RELT: variants seen among roughly 807,000 people sequenced by gnomAD.
RELT encodes RELT TNF receptor.
RELT carries 37 observed loss-of-function variants against 51.1 expected under a neutral mutation model. The ratio of observed to expected loss-of-function variants is 0.72; its 90% CI spans 0.56 to 0.95. RELT has a LOEUF of 0.95. Among genes scored for constraint, RELT ranks in the 40% least tolerant of loss-of-function variants. RELT has a pLI of 0.00. For missense variants in RELT, 535 were observed against 572.6 expected (o/e 0.93, Z 0.67); for synonymous variants, 241 against 235.7 (o/e 1.02, Z -0.21).
intron 9 of RELT, 71 bp from the exon 10 acceptor site, chr11:73,395,016 C>T (rs547301136): frequency 1.5e-4 from 197 of 1,351,230 alleles, no homozygotes; most frequent in East Asian, 1.4e-3. Context: ...TGTGTGACCC[C>T]GGGCACGTGC....
At chr11:73,392,119 T>A in intron 5 of RELT, 92 bp from the exon 6 acceptor site, 1 of 1,452,314 alleles carries the variant, frequency 6.9e-7, no homozygotes, top group Non-Finnish European at 9.3e-7. Context: ...TTGGCTCTCC[T>A]GCAGCCCCCA....
At chr11:73,385,225 G>C (rs987796243) in intron 1 of RELT, among the ~76,000 whole-genome samples, 2 of 152,120 alleles carry the variant, frequency 1.3e-5, no homozygotes, top group Admixed American at 6.5e-5. Flanking sequence ...CCTAGGGGAG[G>C]GGGAGTGGCG....
chr11:73,383,360 T>C (rs1866077516), intron 1 of RELT, among the ~76,000 whole-genome samples: 1 of 152,234 alleles, frequency 6.6e-6, no homozygotes, highest in African/African-American at 2.4e-5. Flanking sequence ...TTCCTGCCTC[T>C]TTCAGTTCAC....
chr11:73,391,325 G>C, intron 5 of RELT, 102 bp downstream of exon 5: 1 of 1,070,260 alleles, frequency 9.3e-7, no homozygotes, highest in Non-Finnish European at 1.4e-6. Context: ...GGGGGCAGTG[G>C]GGTCCTTCTT....
intron 2 of RELT, among the ~76,000 whole-genome samples, chr11:73,389,455 G>A (rs11235730): frequency 0.042 from 6,437 of 152,312 alleles, 175 homozygotes; most frequent in Non-Finnish European, 0.065. Context: ...GCATGAGAAC[G>A]GAGCCCAGCC....
At chr11:73,380,201 C>G (rs932991698) in intron 1 of RELT, among the ~76,000 whole-genome samples, 6 of 152,210 alleles carry the variant, frequency 3.9e-5, no homozygotes, top group East Asian at 1.9e-4. Context: ...TCTGTGCTGA[C>G]GAGACCTCTT....
chr11:73,377,084 G>T (rs1048479619), intron 1 of RELT, among the ~76,000 whole-genome samples: 2 of 152,214 alleles, frequency 1.3e-5, no homozygotes. Context: ...GCGTGTGTGC[G>T]TGTGTTGTGT....
intron 5 of RELT, chr11:73,391,954 G>A: frequency 1.7e-6 from 1 of 581,164 alleles, no homozygotes; most frequent in East Asian, 2.9e-5. Flanking sequence ...TTCACCCCCT[G>A]ACCCCAGCGT....
intron 2 of RELT, 69 bp from the exon 3 acceptor site, chr11:73,390,482 G>A (rs1866192910): frequency 1.4e-6 from 2 of 1,421,162 alleles, no homozygotes; most frequent in Admixed American, 1.7e-5. Flanking sequence ...AAATAGGTGG[G>A]GGATAGATGA....
chr11:73,380,741 T>G (rs1565218051), intron 1 of RELT, among the ~76,000 whole-genome samples: 1 of 152,222 alleles, frequency 6.6e-6, no homozygotes, highest in African/African-American at 2.4e-5. Flanking sequence ...GGCCAGCCCT[T>G]CTGCCAGGTC....
Position 73,388,978 on chromosome 11 carries a change from C to A in RELT, c.-25-134C>A, listed in dbSNP as rs1866167640. ...GTGCTTGCGGGTGTGGAGCCGGCCT[C>A]CCCGGGCTCTGCCTGCCCAGCAGCA... On this transcript the variant is annotated intron_variant, in intron 1 of 10. Coordinates refer to ENST00000064780, the MANE Select transcript of RELT (RefSeq NM_152222.2). This position sits in a 1 kb window ranked among gnomAD's most constrained non-coding sequence, Gnocchi z 4.1. The A allele has an allele frequency of 1.6e-6, 1 of 633,248 alleles. No homozygotes were observed. Among genetic ancestry groups the A allele is most frequent in the Non-Finnish European group, 2.8e-6 (1 of 353,378 alleles). 39.2% of individuals were successfully genotyped at this position (633,248 alleles called of 1,614,324 possible). A position where few individuals can be genotyped will look rare whatever the true frequency, so the allele number is the denominator to read the frequency against.
chr11:73,378,076 G>T (rs138525687), intron 1 of RELT, among the ~76,000 whole-genome samples: 2 of 152,236 alleles, frequency 1.3e-5, no homozygotes, highest in Non-Finnish European at 1.5e-5. Context: ...TGGGTTGGGG[G>T]AGAGTGGGGA....
chr11:73,390,442 G>T (rs1272334423), intron 2 of RELT, 109 bp from the exon 3 acceptor site: 1 of 981,224 alleles, frequency 1.0e-6, no homozygotes, highest in African/African-American at 1.6e-5. Flanking sequence ...GGGTGGGGTA[G>T]TCAGTGGTCC....
chr11:73,377,697 C>T (rs1053897167), intron 1 of RELT, among the ~76,000 whole-genome samples: 5 of 145,780 alleles, frequency 3.4e-5, no homozygotes, highest in East Asian at 2.3e-4. Context: ...CCGCCCCCCT[C>T]CCCCGCGCAG....
chr11:73,381,109 TGTCAC>T (rs1439062491), intron 1 of RELT, among the ~76,000 whole-genome samples: 1 of 152,156 alleles, frequency 6.6e-6, no homozygotes, highest in Non-Finnish European at 1.5e-5. Flanking sequence ...CAGGCCCCAG[TGTCAC>T]TGGGATCCAA....
intron 1 of RELT, among the ~76,000 whole-genome samples, chr11:73,382,304 C>G (rs1019513274): frequency 1.3e-5 from 2 of 152,192 alleles, no homozygotes; most frequent in Non-Finnish European, 2.9e-5. Flanking sequence ...CCCCCAAGTC[C>G]CTCCCAAAGC....
In RELT at chr11:73,392,212, G is replaced by T; in HGVS notation, c.369G>T (p.Glu123Asp). The T allele has an allele frequency of 7.4e-6, 12 of 1,611,020 alleles. No individual in the cohort carries two copies. The highest frequency in any genetic ancestry group is 9.3e-6 in the Non-Finnish European group (11 of 1,178,612). ...WAPLGTHGCD[E>D]WGRRARRGVE... is the part of the protein sequence containing the mutation. ...GCCTCCATCGTCTGTGATGCTCAGA[G>T]TGGGGGCGGCGGGCCCGACGTGGCG... Residue 123 changes from glutamate to aspartate, a missense_variant and splice_region_variant, in exon 6 of 11, where the codon GAG becomes GAT. By Grantham distance (45) the Glu-to-Asp change is conservative. Transcript: ENST00000064780.
intron 1 of RELT, among the ~76,000 whole-genome samples, chr11:73,383,067 A>G (rs1446257792): frequency 6.6e-6 from 1 of 152,182 alleles, no homozygotes; most frequent in African/African-American, 2.4e-5. Flanking sequence ...ACCATGCCCA[A>G]CTTCTGGGGG....
intron 4 of RELT, 55 bp from the exon 5 acceptor site, chr11:73,391,088 TA>T: frequency 6.3e-7 from 1 of 1,579,686 alleles, no homozygotes; most frequent in Non-Finnish European, 8.7e-7. Flanking sequence ...CAGCCTCTCC[TA>T]AGGATAGTGT....
Sources: gnomAD v4.1 joint callset for allele counts (sites outside exome capture counted in the v4.1 genomes callset) on GRCh38, gnomAD v4.1.1 for gene constraint, Gnocchi (gnomAD v3.1) non-coding constraint, MANE v1.5 for transcripts, NCBI Gene and HGNC (gene_info 2026-07-23, HGNC 2026-07-21) for gene names.